The following IL1RAPL2 variants were observed in gnomAD, a reference collection of about 807,000 sequenced individuals.
IL1RAPL2 encodes interleukin 1 receptor accessory protein like 2, also known as X-linked interleukin-1 receptor accessory protein-like 2.
Under a neutral mutation model 44.1 loss-of-function variants are expected in IL1RAPL2, and 3 were observed. The ratio of observed to expected loss-of-function variants is 0.07; its 90% confidence interval spans 0.03 to 0.18. IL1RAPL2 has a LOEUF of 0.18. Ranked by LOEUF, IL1RAPL2 falls within the 10% of genes least tolerant of loss-of-function variation. The pLI is 1.00. For missense variants in IL1RAPL2, 391 were observed against 496.4 expected, an observed-to-expected ratio of 0.79 and a Z score of 2.02; for synonymous variants, 181 against 178.8, an observed-to-expected ratio of 1.01 and a Z score of -0.10.
At chrX:105,043,545 C>T (rs929011074) in intron 2 of IL1RAPL2, among the ~76,000 whole-genome samples, 1 of 105,598 alleles carries the variant, frequency 9.5e-6, no homozygotes, top group African/African-American at 3.6e-5. Context: ...CTTTCTCTTT[C>T]CTCATCCCCT....
At chrX:104,824,683 T>C (rs772834933) in intron 2 of IL1RAPL2, among the ~76,000 whole-genome samples, 10 of 112,071 alleles carry the variant, frequency 8.9e-5, no homozygotes, top group Non-Finnish European at 1.7e-4. Flanking sequence ...CAGAGGTGTT[T>C]ATAGTATTTT....
At chrX:105,035,424 A>G (rs2031610889) in intron 2 of IL1RAPL2, among the ~76,000 whole-genome samples, 1 of 112,023 alleles carries the variant, frequency 8.9e-6, no homozygotes, top group African/African-American at 3.2e-5. Context: ...AACTACATTC[A>G]CCAGTGTGTT....
chrX:105,084,713 G>T (rs1345290136), intron 2 of IL1RAPL2, among the ~76,000 whole-genome samples: 1 of 111,809 alleles, frequency 8.9e-6, no homozygotes, highest in African/African-American at 3.3e-5. Context: ...TAAGACTTTG[G>T]GGTACTGTTG....
intron 2 of IL1RAPL2, among the ~76,000 whole-genome samples, chrX:104,706,355 C>G (rs1224458159): frequency 8.9e-6 from 1 of 112,121 alleles, no homozygotes; most frequent in East Asian, 2.8e-4. Flanking sequence ...TGAAGCCTTC[C>G]ACAATGTGGT....
At chrX:104,600,354 T>A (rs1319716086) in intron 1 of IL1RAPL2, among the ~76,000 whole-genome samples, 2 of 111,058 alleles carry the variant, frequency 1.8e-5, no homozygotes, top group Admixed American at 1.9e-4. Context: ...TATTAGTAAA[T>A]CCAGTTTTAT....
At position 104,979,594 on chromosome X, in the gene IL1RAPL2, A is replaced by G. The variant is rs1023276126; in HGVS notation, c.83-215881A>G. Among the ~76,000 whole-genome samples, 4 of 112,335 alleles carry G rather than the reference A, an allele frequency of 3.6e-5. No individual in the cohort carries two copies. The Admixed American group carries it at 3.8e-4, about 11-fold the overall frequency. On this transcript the variant is annotated intron_variant, in intron 2 of 10. Coordinates refer to ENST00000372582, the MANE Select transcript of IL1RAPL2 (RefSeq NM_017416.2). ...CAATACAAAAGAGTATGAACAAGCAATTTACTAAAGGAGAAATATAAATGG... is the reference window on the plus strand; with the variant it reads ...CAATACAAAAGAGTATGAACAAGCAGTTTACTAAAGGAGAAATATAAATGG...
chrX:104,630,216 C>A (rs1024695055), intron 1 of IL1RAPL2, among the ~76,000 whole-genome samples: 1 of 107,388 alleles, frequency 9.3e-6, no homozygotes, highest in African/African-American at 3.5e-5. Flanking sequence ...GGCGCGATCT[C>A]GGCTCACTGC....
chrX:105,095,262 A>G (rs1258616776), intron 2 of IL1RAPL2, among the ~76,000 whole-genome samples: 1 of 111,415 alleles, frequency 9.0e-6, no homozygotes, highest in East Asian at 2.8e-4. Flanking sequence ...TGGAGGAAAC[A>G]TTTCAATCTT....
At chrX:104,665,180 A>G (rs1449970639) in intron 2 of IL1RAPL2, among the ~76,000 whole-genome samples, 1 of 111,241 alleles carries the variant, frequency 9.0e-6, no homozygotes, top group African/African-American at 3.3e-5. Context: ...TTGGAAATTC[A>G]AAATTATAGA....
chrX:104,836,991 T>C (rs1037484970), intron 2 of IL1RAPL2, among the ~76,000 whole-genome samples: 1 of 111,271 alleles, frequency 9.0e-6, no homozygotes, highest in Non-Finnish European at 1.9e-5. Context: ...ACATGCGGTG[T>C]TTGGTTTTCT....
At chrX:104,838,636 G>T (rs1258380524) in intron 2 of IL1RAPL2, among the ~76,000 whole-genome samples, 1 of 109,884 alleles carries the variant, frequency 9.1e-6, no homozygotes, top group Non-Finnish European at 1.9e-5. Context: ...GAGACGATGG[G>T]GTTTTCTAAA....
At chrX:104,583,461 C>T (rs1036897465) in intron 1 of IL1RAPL2, among the ~76,000 whole-genome samples, 1 of 111,528 alleles carries the variant, frequency 9.0e-6, no homozygotes, top group Admixed American at 9.5e-5. Flanking sequence ...TATAGATTTG[C>T]CTATTCTAAG....
chrX:105,532,088 C>T (rs2036641691), intron 6 of IL1RAPL2, among the ~76,000 whole-genome samples: 1 of 112,086 alleles, frequency 8.9e-6, no homozygotes, highest in African/African-American at 3.2e-5. Context: ...CTACTTGTCT[C>T]AGCCCTGGAA....
intron 2 of IL1RAPL2, among the ~76,000 whole-genome samples, chrX:104,869,922 C>T (rs932287940): frequency 1.8e-5 from 2 of 111,915 alleles, no homozygotes; most frequent in African/African-American, 3.2e-5. Flanking sequence ...GGAAAAACAT[C>T]TGGGTGGATG....
chrX:104,942,992 A>G (rs1396598533), intron 2 of IL1RAPL2, among the ~76,000 whole-genome samples: 7 of 111,724 alleles, frequency 6.3e-5, no homozygotes, highest in Non-Finnish European at 1.3e-4. Context: ...ATGGTGGATT[A>G]CATTTATTGA....
intron 5 of IL1RAPL2, among the ~76,000 whole-genome samples, chrX:105,403,577 TA>T (rs1179956870): frequency 9.0e-6 from 1 of 111,395 alleles, no homozygotes; most frequent in Non-Finnish European, 1.9e-5. Context: ...AGAACCAAAA[TA>T]AAAACAAAAA....
intron 10 of IL1RAPL2, among the ~76,000 whole-genome samples, chrX:105,759,961 A>T (rs1234994201): frequency 8.9e-6 from 1 of 111,871 alleles, no homozygotes; most frequent in African/African-American, 3.2e-5. Context: ...GATGTGTGTG[A>T]CCTAAAAAGT....
At chrX:105,642,676 G>A (rs1311151283) in intron 6 of IL1RAPL2, among the ~76,000 whole-genome samples, 1 of 112,141 alleles carries the variant, frequency 8.9e-6, no homozygotes, top group African/African-American at 3.2e-5. Context: ...ACTTGTAACT[G>A]CCTGTTAAGC....
intron 6 of IL1RAPL2, among the ~76,000 whole-genome samples, chrX:105,513,132 T>C (rs765118951): frequency 8.9e-6 from 1 of 111,736 alleles, no homozygotes; most frequent in South Asian, 3.8e-4. Flanking sequence ...TATTCCATGG[T>C]GTATATGTGC....
Sources: gnomAD v4.1 joint callset for allele counts (sites outside exome capture counted in the v4.1 genomes callset) on GRCh38, gnomAD v4.1.1 for gene constraint, MANE v1.5 for transcripts, NCBI Gene and HGNC (gene_info 2026-07-23, HGNC 2026-07-21) for gene names.